The following FREM2 variants were observed in gnomAD, a reference collection of about 807,000 sequenced individuals.
The protein encoded by FREM2 is FRAS1 related extracellular matrix 2, also known as FRAS1-related extracellular matrix protein 2.
FREM2 carries 119 observed loss-of-function variants against 219.9 expected under a neutral mutation model. The observed-to-expected ratio is 0.54, with a 90% CI of 0.47 to 0.63. FREM2 has a LOEUF of 0.63. FREM2 is among the 30% of genes least tolerant of loss of function. The probability of loss-of-function intolerance (pLI) is 0.00; values close to 1 mark genes in which losing one functional copy is unlikely to be tolerated. For missense variants in FREM2, 4,030 were observed against 3,993.6 expected (o/e 1.01, Z -0.25); for synonymous variants, 1,562 against 1,522.8 (o/e 1.03, Z -0.60).
At chr13:38,764,044 A>G (rs747719780) in intron 2 of FREM2, among the ~76,000 whole-genome samples, 2 of 152,186 alleles carry the variant, frequency 1.3e-5, no homozygotes, top group African/African-American at 4.8e-5. Context: ...AGCCTCTGGT[A>G]GTTGTGCACT....
chr13:38,825,151 T>A (rs571625146), intron 6 of FREM2, among the ~76,000 whole-genome samples: 3 of 152,250 alleles, frequency 2.0e-5, no homozygotes, highest in African/African-American at 4.8e-5. Context: ...TAGCTGTCAT[T>A]ATTATTACTG....
chr13:38,735,791 T>A (rs1379712896), intron 2 of FREM2, among the ~76,000 whole-genome samples: 1 of 152,184 alleles, frequency 6.6e-6, no homozygotes, highest in Non-Finnish European at 1.5e-5. Context: ...CAGGAGTACC[T>A]GCAAGATTAG....
intron 2 of FREM2, among the ~76,000 whole-genome samples, chr13:38,746,773 G>T (rs1177394503): frequency 6.6e-6 from 1 of 152,162 alleles, no homozygotes; most frequent in East Asian, 1.9e-4. Flanking sequence ...GAGTTGAGTG[G>T]CTGCCATGAA....
intron 2 of FREM2, among the ~76,000 whole-genome samples, chr13:38,746,624 A>G (rs1037254): frequency 0.52 from 78,683 of 152,002 alleles, 23,026 homozygotes; most frequent in Non-Finnish European, 0.64. Flanking sequence ...AAAGAGCCTC[A>G]TTTATAGGAA....
rs1877929856 is a variant in FREM2 at position 38,865,448 on chromosome 13, A to G, written c.7983+842A>G. The stretch of plus-strand genomic sequence containing the variant: ...ACCTGGACTAAATAAGGAGTTACAT[A>G]AGTAGGTTTATGCATTGAAGTGTTG... On this transcript the variant is annotated intron_variant, in intron 16 of 23. Coordinates refer to ENST00000280481, the MANE Select transcript of FREM2 (RefSeq NM_207361.6). 3.3e-5 allele frequency among the ~76,000 whole-genome samples: 5 copies of G among 152,214 alleles called. 1 individual carries two copies. In the South Asian group the frequency reaches 1.0e-3, roughly 32 times the overall value.
chr13:38,711,594 T>C (rs17058452), intron 2 of FREM2, among the ~76,000 whole-genome samples: 9,429 of 152,240 alleles, frequency 0.062, 796 homozygotes, highest in African/African-American at 0.19. Context: ...ATTTTTGATA[T>C]TTCAAGGAAT....
chr13:38,727,393 C>T (rs1383809863), intron 2 of FREM2, among the ~76,000 whole-genome samples: 1 of 152,130 alleles, frequency 6.6e-6, no homozygotes, highest in Admixed American at 6.5e-5. Context: ...GCAGGAGAAT[C>T]ACTTGAACAT....
intron 2 of FREM2, among the ~76,000 whole-genome samples, chr13:38,749,288 T>C (rs1221304951): frequency 1.3e-5 from 2 of 152,186 alleles, no homozygotes; most frequent in African/African-American, 4.8e-5. Context: ...AATTACTGGC[T>C]CAACTACTTT....
At chr13:38,705,400 A>G (rs1173818343) in intron 2 of FREM2, among the ~76,000 whole-genome samples, 1 of 152,204 alleles carries the variant, frequency 6.6e-6, no homozygotes, top group African/African-American at 2.4e-5. Flanking sequence ...TTAAGAGGAC[A>G]TTAGAAACAT....
At position 38,886,520 on chromosome 13, in the gene FREM2, C is replaced by T. The variant is rs1945505; in HGVS notation, c.*5733C>T. On this transcript the variant is annotated 3_prime_UTR_variant, in exon 24 of 24. Transcript: ENST00000280481. ...TCAAGTGATTCTCCTGCCTCAACCT[C>T]CTGAGTAGCTGGAATTACAGGTGCC... is the stretch of plus-strand genomic sequence containing the variant. 0.46 allele frequency: 70,088 copies of T among 151,854 alleles called. 16,885 individuals carry two copies. The highest frequency in any genetic ancestry group is 0.57 in the Admixed American group (8,760 of 15,240). 9.4% of individuals were successfully genotyped at this position (151,854 alleles called of 1,614,324 possible). A position where few individuals can be genotyped will look rare whatever the true frequency, so the allele number is the denominator to read the frequency against.
In FREM2 at chr13:38,692,407, A is replaced by G; in HGVS notation, c.5063A>G (p.Asp1688Gly). 1.2e-6 allele frequency: 2 copies of G among 1,612,882 alleles called. No individual in the cohort carries two copies. Among genetic ancestry groups the G allele is most frequent in the Non-Finnish European group, 1.7e-6 (2 of 1,179,178 alleles). Residue 1688 changes from aspartate (D) to glycine (G), a missense_variant, in exon 1 of 24, where the codon GAC becomes GGC. By Grantham distance (94) the Asp-to-Gly change is moderately conservative. Coordinates refer to ENST00000280481, the MANE Select transcript of FREM2 (RefSeq NM_207361.6). ...ACAAGCAAAATATTGAAAGTGGAGG[A>G]CAGAGACAGCTTACACATTTCTCTT... ...MITSKILKVE[D>G]RDSLHISLRF...
intron 2 of FREM2, among the ~76,000 whole-genome samples, chr13:38,745,326 G>C (rs963560470): frequency 2.0e-5 from 3 of 152,136 alleles, no homozygotes; most frequent in African/African-American, 7.2e-5. Flanking sequence ...GAAGTTCCAA[G>C]CTAGGCTGTA....
intron 2 of FREM2, among the ~76,000 whole-genome samples, chr13:38,702,955 C>T (rs1212838202): frequency 6.6e-6 from 1 of 152,112 alleles, no homozygotes; most frequent in East Asian, 1.9e-4. Flanking sequence ...ATCCTTGATT[C>T]ATATGCTATT....
chr13:38,876,336 A>G lies in FREM2; in HGVS notation c.8498A>G (p.Asn2833Ser). Residue 2833 changes from asparagine (N) to serine (S), a missense_variant, in exon 20 of 24, where the codon AAC (asparagine) becomes AGC (serine). Asn to Ser is a conservative substitution (Grantham distance 46). Transcript: ENST00000280481. ...GAATACCGCCTGCCAGTCACCTGCA[A>G]CCCCAGAGAACCTGTCACCTTTGAC... ...HQEYRLPVTC[N>S]PREPVTFDLD... The G allele has an allele frequency of 6.2e-7, 1 of 1,613,954 alleles. No individual in the cohort carries two copies. Among genetic ancestry groups the G allele is most frequent in the East Asian group, 2.2e-5 (1 of 44,878 alleles).
intron 15 of FREM2, among the ~76,000 whole-genome samples, chr13:38,864,005 T>A (rs1337355937): frequency 6.6e-6 from 1 of 152,000 alleles, no homozygotes; most frequent in East Asian, 1.9e-4. Context: ...GCTATTGTAA[T>A]TTTGGTAGAG....
intron 2 of FREM2, among the ~76,000 whole-genome samples, chr13:38,708,001 G>A (rs1870607452): frequency 6.6e-6 from 1 of 152,302 alleles, no homozygotes; most frequent in Admixed American, 6.5e-5. Context: ...AATTTCTGTT[G>A]AGTAGGATTC....
chr13:38,818,515 A>G (rs1056367565), intron 6 of FREM2, among the ~76,000 whole-genome samples: 2 of 152,096 alleles, frequency 1.3e-5, no homozygotes, highest in African/African-American at 2.4e-5. Context: ...CAGAGAATAG[A>G]ACTGTGGTTA....
In FREM2 at chr13:38,691,724, C is replaced by T. The variant is rs1056988888; in HGVS notation, c.4380C>T (p.Ile1460=). The T allele has an allele frequency of 1.2e-6, 2 of 1,613,586 alleles. No individual in the cohort carries two copies. Among genetic ancestry groups the T allele is most frequent in the Non-Finnish European group, 8.5e-7 (1 of 1,179,610 alleles). ...NSPDENLVFT[I]TRAPMRGHLE... The stretch of plus-strand genomic sequence containing the variant: ...CTGATGAAAACTTGGTTTTTACCAT[C>T]ACCAGGGCTCCCATGCGAGGTCACC... Residue 1460 remains isoleucine (I), a synonymous_variant, in exon 1 of 24, where the codon ATC becomes ATT. Transcript: ENST00000280481.
At chr13:38,848,709 G>T (rs1457324778) in intron 8 of FREM2, 39 bp downstream of exon 8, 7 of 1,487,346 alleles carry the variant, frequency 4.7e-6, no homozygotes, top group Non-Finnish European at 5.6e-6. Flanking sequence ...AATGATAATT[G>T]AAATCATAAG....
Sources: gnomAD v4.1 joint callset for allele counts (sites outside exome capture counted in the v4.1 genomes callset) on GRCh38, gnomAD v4.1.1 for gene constraint, MANE v1.5 for transcripts, NCBI Gene and HGNC (gene_info 2026-07-23, HGNC 2026-07-21) for gene names.